GRID2: variants seen among roughly 807,000 people sequenced by gnomAD.
GRID2 encodes the protein glutamate receptor ionotropic, delta-2.
A neutral mutation model predicts 114.8 loss-of-function variants in GRID2; 33 were observed. That is an observed-to-expected ratio of 0.29 (90% CI 0.22 to 0.38). The LOEUF is 0.38. GRID2 is among the 10% of genes least tolerant of loss of function. The pLI, the probability that GRID2 is intolerant of heterozygous loss-of-function variation, is 1.00. For missense variants in GRID2, 1,184 were observed against 1,257.7 expected (o/e 0.94, Z 0.89); for synonymous variants, 505 against 449.9 (o/e 1.12, Z -1.55).
chr4:92,636,146 A>G (rs1164598550), intron 2 of GRID2, among the ~76,000 whole-genome samples: 4 of 151,990 alleles, frequency 2.6e-5, no homozygotes, highest in South Asian at 2.1e-4. Context: ...TTAGAACCCT[A>G]GAGTTGGTGG....
chr4:93,806,556 A>G (rs978630835), intron 1 of GRID2, among the ~76,000 whole-genome samples: 9 of 152,162 alleles, frequency 5.9e-5, no homozygotes, highest in Non-Finnish European at 7.3e-5. Context: ...GAAGCCCTAC[A>G]TGGGAGGGAG....
intron 8 of GRID2, among the ~76,000 whole-genome samples, chr4:93,284,992 AGTGAT>A (rs1311149883): frequency 2.0e-5 from 3 of 152,028 alleles, no homozygotes; most frequent in Admixed American, 2.0e-4. Context: ...CTGATACATC[AGTGAT>A]GTTGGAATTT....
chr4:93,579,927 C>T (rs546804972), intron 13 of GRID2, among the ~76,000 whole-genome samples: 85 of 152,316 alleles, frequency 5.6e-4, no homozygotes, highest in African/African-American at 1.9e-3. Flanking sequence ...AGAAGATGTG[C>T]ATGCATCTGT....
intron 2 of GRID2, among the ~76,000 whole-genome samples, chr4:93,014,095 T>G (rs961557572): frequency 1.1e-4 from 16 of 152,088 alleles, no homozygotes; most frequent in Admixed American, 5.9e-4. Context: ...ATTCTGCTCA[T>G]GTGTCAGTTG....
At chr4:93,726,329 G>A (rs1729886434) in intron 14 of GRID2, among the ~76,000 whole-genome samples, 2 of 152,134 alleles carry the variant, frequency 1.3e-5, no homozygotes, top group African/African-American at 2.4e-5. Context: ...GCTCTGTTCT[G>A]TTCCATTGGT....
chr4:92,410,418 A>G (rs561827204), intron 1 of GRID2, among the ~76,000 whole-genome samples: 30 of 152,344 alleles, frequency 2.0e-4, no homozygotes, highest in Non-Finnish European at 3.8e-4. Flanking sequence ...GATACAATTC[A>G]TATATCCATG....
At chr4:93,050,929 C>T (rs552062465) in intron 2 of GRID2, among the ~76,000 whole-genome samples, 4 of 152,032 alleles carry the variant, frequency 2.6e-5, no homozygotes, top group Non-Finnish European at 4.4e-5. Context: ...AAAGAATTAT[C>T]TCCTGCTTTA....
intron 14 of GRID2, among the ~76,000 whole-genome samples, chr4:93,663,347 A>T (rs370732767): frequency 1.3e-5 from 2 of 152,140 alleles, no homozygotes; most frequent in African/African-American, 4.8e-5. Context: ...TCATCTAATA[A>T]TGTGTCCCCC....
At chr4:92,620,528 A>C (rs62307903) in intron 2 of GRID2, among the ~76,000 whole-genome samples, 8,420 of 151,864 alleles carry the variant, frequency 0.055, 297 homozygotes, top group East Asian at 0.16. Flanking sequence ...CTGGACAAGT[A>C]TACAATTAGC....
At chr4:93,479,828 C>T (rs1725679377) in intron 11 of GRID2, among the ~76,000 whole-genome samples, 1 of 152,092 alleles carries the variant, frequency 6.6e-6, no homozygotes, top group African/African-American at 2.4e-5. Context: ...TGGAAGCCCC[C>T]ACTGATACAG....
chr4:93,390,275 G>T (rs1764727861), intron 8 of GRID2, among the ~76,000 whole-genome samples: 1 of 152,116 alleles, frequency 6.6e-6, no homozygotes, highest in South Asian at 2.1e-4. Flanking sequence ...TATTCTAATA[G>T]TCAACAAAAG....
intron 1 of GRID2, among the ~76,000 whole-genome samples, chr4:92,525,873 C>A (rs955439919): frequency 6.6e-6 from 1 of 152,032 alleles, no homozygotes; most frequent in African/African-American, 2.4e-5. Context: ...GAGCAGTATT[C>A]TATGCTGGTG....
At chr4:92,732,687 T>C (rs114682120) in intron 2 of GRID2, among the ~76,000 whole-genome samples, 1,612 of 152,216 alleles carry the variant, frequency 0.011, 31 homozygotes, top group African/African-American at 0.036. Flanking sequence ...CTTCTTAGAA[T>C]TAACATAGAC....
intron 8 of GRID2, among the ~76,000 whole-genome samples, chr4:93,259,235 A>G (rs1749971464): frequency 6.6e-6 from 1 of 151,836 alleles, no homozygotes; most frequent in African/African-American, 2.4e-5. Context: ...AGCACCATGC[A>G]GAATTAAGAT....
chr4:93,343,962 T>C (rs1276853107), intron 8 of GRID2, among the ~76,000 whole-genome samples: 2 of 152,132 alleles, frequency 1.3e-5, no homozygotes, highest in African/African-American at 2.4e-5. Flanking sequence ...AATAACATCT[T>C]GCTTCATTAT....
intron 2 of GRID2, among the ~76,000 whole-genome samples, chr4:92,968,694 T>C (rs1753310969): frequency 6.6e-6 from 1 of 151,838 alleles, no homozygotes; most frequent in African/African-American, 2.4e-5. Flanking sequence ...ACAGTTTTTC[T>C]TTTTTTACTG....
At chr4:93,527,976 C>T (rs997912405) in intron 13 of GRID2, among the ~76,000 whole-genome samples, 13 of 151,920 alleles carry the variant, frequency 8.6e-5, no homozygotes, top group African/African-American at 1.5e-4. Context: ...CCTTTTTTGA[C>T]GGGCTTTCTT....
At chr4:93,037,987 C>G (rs1725081783) in intron 2 of GRID2, among the ~76,000 whole-genome samples, 1 of 152,098 alleles carries the variant, frequency 6.6e-6, no homozygotes, top group Non-Finnish European at 1.5e-5. Context: ...GTTTCCAATT[C>G]TGTGAAGAAA....
At chr4:92,950,636 T>C (rs1051923680) in intron 2 of GRID2, among the ~76,000 whole-genome samples, 22 of 152,158 alleles carry the variant, frequency 1.4e-4, no homozygotes, top group African/African-American at 4.8e-4. Flanking sequence ...CTCACAGTGG[T>C]ACCAACGAAG....
Sources: allele counts gnomAD v4.1 joint callset (sites outside exome capture counted in the v4.1 genomes callset), GRCh38; gene constraint gnomAD v4.1.1; transcripts MANE v1.5; gene names NCBI Gene and HGNC (gene_info 2026-07-23, HGNC 2026-07-21).